NAALADL2: variants seen among roughly 807,000 people sequenced by gnomAD.
The protein encoded by NAALADL2 is N-acetylated alpha-linked acidic dipeptidase like 2, also known as inactive N-acetylated-alpha-linked acidic dipeptidase-like protein 2.
Under a neutral mutation model 87.2 loss-of-function variants are expected in NAALADL2, and 76 were observed. That is an observed-to-expected ratio of 0.87 (90% CI 0.72 to 1.05). The LOEUF (loss-of-function observed/expected upper bound fraction) is 1.05. Among genes scored for constraint, NAALADL2 ranks in the 50% least tolerant of loss-of-function variants. The pLI, the probability that NAALADL2 is intolerant of heterozygous loss-of-function variation, is 0.00. For synonymous variants in NAALADL2, 354 were observed against 331.0 expected, an observed-to-expected ratio of 1.07 and a Z score of -0.75; for missense variants, 1,089 against 945.8, an observed-to-expected ratio of 1.15 and a Z score of -1.99.
chr3:174,598,219 A>C (rs1718105235), intron 2 of NAALADL2, among the ~76,000 whole-genome samples: 1 of 152,202 alleles, frequency 6.6e-6, no homozygotes, highest in Non-Finnish European at 1.5e-5. Flanking sequence ...AAACTAAAGG[A>C]AACCTGATAG....
At chr3:174,923,653 C>A (rs556745999) in intron 1 of NAALADL2, among the ~76,000 whole-genome samples, 1 of 152,210 alleles carries the variant, frequency 6.6e-6, no homozygotes, top group South Asian at 2.1e-4. Flanking sequence ...TCTTACCACA[C>A]ATCTAGATGC....
At chr3:175,089,218 A>C (rs1395060759) in intron 1 of NAALADL2, among the ~76,000 whole-genome samples, 5 of 152,154 alleles carry the variant, frequency 3.3e-5, no homozygotes, top group African/African-American at 1.2e-4. Context: ...GCAGATCCGG[A>C]GATCTGAGGA....
intron 2 of NAALADL2, among the ~76,000 whole-genome samples, chr3:174,678,858 CGTT>C (rs1404372745): frequency 6.6e-6 from 1 of 152,146 alleles, no homozygotes; most frequent in African/African-American, 2.4e-5. Flanking sequence ...AAATCACAGA[CGTT>C]GGTCAATTTT....
At chr3:174,486,936 C>T (rs2108341334) in intron 1 of NAALADL2, among the ~76,000 whole-genome samples, 1 of 152,084 alleles carries the variant, frequency 6.6e-6, no homozygotes, top group South Asian at 2.1e-4. Context: ...CTGCCACCTT[C>T]TTATGCCCAA....
intron 1 of NAALADL2, among the ~76,000 whole-genome samples, chr3:174,958,247 G>T (rs1741442889): frequency 6.6e-6 from 1 of 150,850 alleles, no homozygotes; most frequent in African/African-American, 2.4e-5. Context: ...ATATGGCAGG[G>T]AACTTACCAT....
chr3:174,495,568 A>G (rs906223637), intron 1 of NAALADL2, among the ~76,000 whole-genome samples: 3 of 151,490 alleles, frequency 2.0e-5, no homozygotes, highest in Non-Finnish European at 4.4e-5. Flanking sequence ...ATATTGTTTC[A>G]ATTACAAGGC....
chr3:175,254,524 C>A (rs1485120755), intron 3 of NAALADL2, among the ~76,000 whole-genome samples: 1 of 152,130 alleles, frequency 6.6e-6, no homozygotes, highest in African/African-American at 2.4e-5. Context: ...TATACACAAT[C>A]TGATCTATAT....
intron 1 of NAALADL2, among the ~76,000 whole-genome samples, chr3:175,017,665 G>A (rs964086787): frequency 6.6e-6 from 1 of 152,042 alleles, no homozygotes; most frequent in Admixed American, 6.6e-5. Context: ...ATAGAAATAT[G>A]CCAGTCTCTT....
intron 1 of NAALADL2, among the ~76,000 whole-genome samples, chr3:174,977,865 C>T (rs1004989268): frequency 6.6e-6 from 1 of 152,166 alleles, no homozygotes; most frequent in Non-Finnish European, 1.5e-5. Context: ...GTCCTGGGGA[C>T]TGGGGCCAAA....
chr3:175,540,780 T>C (rs1712177125), intron 9 of NAALADL2, among the ~76,000 whole-genome samples: 1 of 152,138 alleles, frequency 6.6e-6, no homozygotes, highest in Non-Finnish European at 1.5e-5. Context: ...AGAAACAGGA[T>C]AAGTGAATAG....
intron 5 of NAALADL2, among the ~76,000 whole-genome samples, chr3:175,387,766 A>T (rs1285959984): frequency 2.6e-5 from 4 of 152,032 alleles, no homozygotes; most frequent in African/African-American, 9.7e-5. Context: ...AGAACAATAA[A>T]ATTCCACTAA....
intron 1 of NAALADL2, among the ~76,000 whole-genome samples, chr3:174,926,871 T>C (rs1478095853): frequency 5.3e-5 from 8 of 152,150 alleles, no homozygotes; most frequent in Admixed American, 3.3e-4. Flanking sequence ...ACCTTAAATG[T>C]AAATGGGCTA....
intron 1 of NAALADL2, among the ~76,000 whole-genome samples, chr3:175,087,233 A>G (rs62287686): frequency 0.24 from 36,107 of 152,066 alleles, 4,371 homozygotes; most frequent in East Asian, 0.33. Flanking sequence ...GACTTTGAGG[A>G]AGGTGGGGGG....
intron 2 of NAALADL2, among the ~76,000 whole-genome samples, chr3:174,654,238 T>A (rs1220145582): frequency 6.6e-6 from 1 of 152,196 alleles, no homozygotes; most frequent in African/African-American, 2.4e-5. Context: ...TGTTAAGGTC[T>A]GAGTGTGTGC....
At chr3:174,597,236 T>A (rs1385564960) in intron 2 of NAALADL2, among the ~76,000 whole-genome samples, 2 of 152,194 alleles carry the variant, frequency 1.3e-5, no homozygotes, top group Non-Finnish European at 2.9e-5. Flanking sequence ...CTTTCAGCAA[T>A]GAGTTGTAAC....
intron 1 of NAALADL2, among the ~76,000 whole-genome samples, chr3:174,861,333 C>A (rs1367142458): frequency 6.6e-6 from 1 of 151,100 alleles, no homozygotes; most frequent in Non-Finnish European, 1.5e-5. Context: ...TTCTGGATTT[C>A]TTTACATTAT....
chr3:174,495,291 T>C (rs2108357750), intron 1 of NAALADL2, among the ~76,000 whole-genome samples: 1 of 149,346 alleles, frequency 6.7e-6, no homozygotes, highest in South Asian at 2.1e-4. Context: ...ACAGCCTTAC[T>C]GCATTCATAA....
intron 11 of NAALADL2, among the ~76,000 whole-genome samples, chr3:175,633,771 A>T (rs527579574): frequency 2.0e-5 from 3 of 151,726 alleles, no homozygotes; most frequent in Admixed American, 1.3e-4. Flanking sequence ...ATGGCATAGG[A>T]TATATAAGAT....
intron 9 of NAALADL2, among the ~76,000 whole-genome samples, chr3:175,483,942 AT>A (rs35908711): frequency 0.022 from 3,369 of 152,144 alleles, 142 homozygotes; most frequent in East Asian, 0.13. Context: ...CTAACCTCAC[AT>A]TTTTTAAGCA....
Sources: gnomAD v4.1 joint callset for allele counts (sites outside exome capture counted in the v4.1 genomes callset) on GRCh38, gnomAD v4.1.1 for gene constraint, MANE v1.5 for transcripts, NCBI Gene and HGNC (gene_info 2026-07-23, HGNC 2026-07-21) for gene names.